Variants in OR13C8 observed in about 807,000 individuals in gnomAD.
OR13C8 encodes olfactory receptor 13C8.
For synonymous variants in OR13C8, 149 were observed against 143.6 expected (o/e 1.04, Z -0.27); for missense variants, 382 against 388.1 (o/e 0.98, Z 0.13).
chr9:104,569,602 A>G lies in OR13C8; in HGVS notation c.435A>G (p.Ala145=). Residue 145 remains alanine, a synonymous_variant, in exon 1 of 1, where the codon GCA becomes GCG. Coordinates refer to ENST00000335040, the MANE Select transcript of OR13C8 (RefSeq NM_001004483.1). ...GCAAGGGTGCCTATGTGGCCATGGC[A>G]GCTGGGTCCTGGGTCACTGGGCTTG... ...IMSKGAYVAM[A]AGSWVTGLVD... 1.2e-6 allele frequency: 2 copies of G among 1,614,128 alleles called. No homozygotes were observed. The highest frequency in any genetic ancestry group is 1.7e-6 in the Non-Finnish European group (2 of 1,180,012).
In OR13C8 at chr9:104,569,436, A is replaced by T; in HGVS notation, c.269A>T (p.Lys90Ile). ...LILASFLAVKKKVSFSGCMVQ... is the reference protein window; with the variant it reads ...LILASFLAVKIKVSFSGCMVQ... ...CTTGCCAGCTTTCTGGCAGTAAAGA[A>T]AAAGGTTTCCTTCTCTGGGTGTATG... Residue 90 changes from lysine (K) to isoleucine (I), a missense_variant, in exon 1 of 1, where the codon AAA becomes ATA. Transcript: ENST00000335040. The T allele has an allele frequency of 6.2e-7, 1 of 1,614,226 alleles. No individual in the cohort carries two copies. The highest frequency in any genetic ancestry group is 8.5e-7 in the Non-Finnish European group (1 of 1,180,050).
rs767536072 is a variant in OR13C8, at chr9:104,569,252, G to A, written c.85G>A (p.Val29Ile). ...CCCAAAGCTCCAGACAGTTTTCTTC[G>A]TTCTAATTTTGTGGATGTACCTGAT... Reference protein sequence around the residue: ...AHPKLQTVFFVLILWMYLMIL... With the variant: ...AHPKLQTVFFILILWMYLMIL... Residue 29 changes from valine (V) to isoleucine (I), a missense_variant, in exon 1 of 1, where the codon GTT (valine) becomes ATT (isoleucine). Physicochemically the swap from Val to Ile is conservative, Grantham distance 29 (BLOSUM62 3). Coordinates refer to ENST00000335040, the MANE Select transcript of OR13C8 (RefSeq NM_001004483.1). 2.5e-6 allele frequency: 4 copies of A among 1,614,076 alleles called. No individual in the cohort carries two copies. The highest frequency in any genetic ancestry group is 3.3e-5 in the Admixed American group (2 of 60,010).
At position 104,569,994 on chromosome 9, in the gene OR13C8, T is replaced by C. The variant is rs367847980; in HGVS notation, c.827T>C (p.Ile276Thr). 1.5e-5 allele frequency: 25 copies of C among 1,614,094 alleles called. No individual in the cohort carries two copies. The highest frequency in any genetic ancestry group is 2.2e-5 in the East Asian group (1 of 44,890). The change falls in exon 1 of 1, where the codon ATT becomes ACT. Residue 276 changes from isoleucine to threonine, a missense_variant. Physicochemically the swap from Ile to Thr is moderately conservative, Grantham distance 89. Transcript: ENST00000335040. The stretch of plus-strand genomic sequence containing the variant: ...GTTGATTCAGGTAATGAAGACATCA[T>C]TGAGGCCCTCATCTCCCTTTTCTAT... ...ASVDSGNEDI[I>T]EALISLFYGV...
At position 104,569,231 on chromosome 9, in the gene OR13C8, A is replaced by G. The variant is rs1410076557; in HGVS notation, c.64A>G (p.Lys22Glu). ...CCTGGTAGGGCTTTCTGCCCACCCA[A>G]AGCTCCAGACAGTTTTCTTCGTTCT... is the stretch of plus-strand genomic sequence containing the variant. Reference protein sequence around the residue: ...FFLVGLSAHPKLQTVFFVLIL... With the variant: ...FFLVGLSAHPELQTVFFVLIL... Residue 22 changes from lysine (K) to glutamate (E), a missense_variant, in exon 1 of 1, where the codon AAG becomes GAG. By Grantham distance (56) the Lys-to-Glu change is moderately conservative. Coordinates refer to ENST00000335040, the MANE Select transcript of OR13C8 (RefSeq NM_001004483.1). 1.9e-6 allele frequency: 3 copies of G among 1,614,012 alleles called. No individual in the cohort carries two copies. Among genetic ancestry groups the G allele is most frequent in the Non-Finnish European group, 2.5e-6 (3 of 1,179,994 alleles).
In OR13C8 at chr9:104,569,303, A is replaced by G. The variant is rs371137098; in HGVS notation, c.136A>G (p.Ile46Val). 6 of 1,613,968 alleles carry G rather than the reference A, an allele frequency of 3.7e-6. No individual in the cohort carries two copies. In the African/African-American group the frequency reaches 8.0e-5, roughly 22 times the overall value. ...GATCCTGCTTGGAAATGGAGTCCTT[A>G]TCTCAGTTATCATCTTTGATTCTCA... ...LMILLGNGVL[I>V]SVIIFDSHLH... is the part of the protein sequence containing the mutation. Residue 46 changes from isoleucine to valine, a missense_variant, in exon 1 of 1, where the codon ATC (isoleucine) becomes GTC (valine). Physicochemically the swap from Ile to Val is conservative, Grantham distance 29 (BLOSUM62 3). Coordinates refer to ENST00000335040, the MANE Select transcript of OR13C8 (RefSeq NM_001004483.1).
Position 104,569,526 on chromosome 9 carries a change from T to C in OR13C8, c.359T>C (p.Leu120Pro). 1.2e-6 allele frequency: 2 copies of C among 1,614,208 alleles called. No homozygotes were observed. The highest frequency in any genetic ancestry group is 1.7e-6 in the Non-Finnish European group (2 of 1,180,032). The change falls in exon 1 of 1, where the codon CTG becomes CCG. Residue 120 changes from leucine to proline, a missense_variant. Physicochemically the swap from Leu to Pro is moderately conservative, Grantham distance 98 (BLOSUM62 -3). Transcript: ENST00000335040. Reference protein sequence around the residue: ...TECMILGTMALDRYVAICYPL... With the variant: ...TECMILGTMAPDRYVAICYPL... ...TGCATGATCTTAGGCACGATGGCAC[T>C]GGACCGCTATGTGGCCATCTGCTAC...
rs761064703 is a variant in OR13C8, at chr9:104,570,035, A to G, written c.868A>G (p.Met290Val). Residue 290 changes from methionine to valine, a missense_variant, in exon 1 of 1, where the codon ATG (methionine) becomes GTG (valine). Coordinates refer to ENST00000335040, the MANE Select transcript of OR13C8 (RefSeq NM_001004483.1). ...CCTTTTCTATGGAGTGATGACTCCC[A>G]TGCTTAATCCTCTCATCTATAGTCT... ...ISLFYGVMTP[M>V]LNPLIYSLRN... 3 of 1,614,058 alleles carry G rather than the reference A, an allele frequency of 1.9e-6. No homozygotes were observed. The highest frequency in any genetic ancestry group is 4.5e-5 in the East Asian group (2 of 44,872).
chr9:104,569,324 T>G lies in OR13C8; in HGVS notation c.157T>G (p.Ser53Ala), dbSNP rs201255016. Reference protein sequence around the residue: ...GVLISVIIFDSHLHTPMYFFL... With the variant: ...GVLISVIIFDAHLHTPMYFFL... ...CCTTATCTCAGTTATCATCTTTGATTCTCACCTGCACACCCCCATGTATTT... is the reference window on the plus strand; with the variant it reads ...CCTTATCTCAGTTATCATCTTTGATGCTCACCTGCACACCCCCATGTATTT... Residue 53 changes from serine (S) to alanine (A), a missense_variant, in exon 1 of 1, where the codon TCT (serine) becomes GCT (alanine). Coordinates refer to ENST00000335040, the MANE Select transcript of OR13C8 (RefSeq NM_001004483.1). 6.2e-7 allele frequency: 1 copy of G among 1,614,180 alleles called. No homozygotes were observed. Among genetic ancestry groups the G allele is most frequent in the East Asian group, 2.2e-5 (1 of 44,872 alleles).
Position 104,569,587 on chromosome 9 carries a change from C to T in OR13C8, c.420C>T (p.Ala140=), listed in dbSNP as rs1173846628. The change falls in exon 1 of 1, where the codon GCC becomes GCT. Residue 140 remains alanine (A), a synonymous_variant. Coordinates refer to ENST00000335040, the MANE Select transcript of OR13C8 (RefSeq NM_001004483.1). ...LRYPVIMSKG[A]YVAMAAGSWV... ...ACCCTGTCATCATGAGCAAGGGTGCCTATGTGGCCATGGCAGCTGGGTCCT... is the reference window on the plus strand; with the variant it reads ...ACCCTGTCATCATGAGCAAGGGTGCTTATGTGGCCATGGCAGCTGGGTCCT... The T allele has an allele frequency of 2.5e-6, 4 of 1,614,130 alleles. No homozygotes were observed. In the South Asian group the frequency reaches 3.3e-5, roughly 13 times the overall value.
At position 104,569,813 on chromosome 9, in the gene OR13C8, A is replaced by C. The variant is rs767061590; in HGVS notation, c.646A>C (p.Ile216Leu). Residue 216 changes from isoleucine to leucine, a missense_variant, in exon 1 of 1, where the codon ATC becomes CTC. Physicochemically the swap from Ile to Leu is conservative, Grantham distance 5. Transcript: ENST00000335040. Reference sequence around the variant, plus strand: ...GGTTATTCCATTGTTAGTAATTTCCATCTCTTACATATTTATTGTTGCCAC... The same window carrying C: ...GGTTATTCCATTGTTAGTAATTTCCCTCTCTTACATATTTATTGTTGCCAC... The part of the protein sequence containing the change: ...VLVIPLLVIS[I>L]SYIFIVATIL... 2.5e-6 allele frequency: 4 copies of C among 1,614,126 alleles called. No individual in the cohort carries two copies. Among genetic ancestry groups the C allele is most frequent in the Non-Finnish European group, 3.4e-6 (4 of 1,180,008 alleles).
rs200831216 is a variant in OR13C8, at chr9:104,569,776, T to C, written c.609T>C (p.Asn203=). The C allele has an allele frequency of 8.1e-6, 13 of 1,614,194 alleles. No homozygotes were observed. In the East Asian group the frequency reaches 2.7e-4, roughly 33 times the overall value. The change falls in exon 1 of 1, where the codon AAT becomes AAC. Residue 203 remains asparagine, a synonymous_variant. Coordinates refer to ENST00000335040, the MANE Select transcript of OR13C8 (RefSeq NM_001004483.1). ...SINVISMTGS[N]LIVLVIPLLV... ...ATGTGATTAGTATGACAGGGTCGAA[T>C]CTGATTGTTCTGGTTATTCCATTGT...
chr9:104,569,727 T>G lies in OR13C8; in HGVS notation c.560T>G (p.Leu187Arg), dbSNP rs188749311. 6.2e-7 allele frequency: 1 copy of G among 1,614,214 alleles called. No homozygotes were observed. Among genetic ancestry groups the G allele is most frequent in the Non-Finnish European group, 8.5e-7 (1 of 1,180,028 alleles). The change falls in exon 1 of 1, where the codon CTG (leucine) becomes CGG (arginine). Residue 187 changes from leucine (L) to arginine (R), a missense_variant. Physicochemically the swap from Leu to Arg is moderately radical, Grantham distance 102. Coordinates refer to ENST00000335040, the MANE Select transcript of OR13C8 (RefSeq NM_001004483.1). ...FVCEILAILKLACADISINVI... is the reference protein window; with the variant it reads ...FVCEILAILKRACADISINVI... ...TGTGAAATTCTGGCTATCTTGAAAC[T>G]GGCCTGTGCTGATATTTCAATCAAT... is the stretch of plus-strand genomic sequence containing the variant.
Position 104,569,842 on chromosome 9 carries a change from T to A in OR13C8, c.675T>A (p.Ile225=), listed in dbSNP as rs763603285. The change falls in exon 1 of 1, where the codon ATT becomes ATA. Residue 225 remains isoleucine, a synonymous_variant. Coordinates refer to ENST00000335040, the MANE Select transcript of OR13C8 (RefSeq NM_001004483.1). ...SISYIFIVAT[I]LRIPSTEGKH... is the part of the protein sequence containing the mutation. ...CTTACATATTTATTGTTGCCACTATTCTGAGGATTCCTTCCACTGAAGGAA... is the reference window on the plus strand; with the variant it reads ...CTTACATATTTATTGTTGCCACTATACTGAGGATTCCTTCCACTGAAGGAA... 6 of 1,614,180 alleles carry A rather than the reference T, an allele frequency of 3.7e-6. No homozygotes were observed. Among genetic ancestry groups the A allele is most frequent in the Non-Finnish European group, 5.1e-6 (6 of 1,180,024 alleles).
rs774946599 is a variant in OR13C8, at chr9:104,569,912, A to G, written c.745A>G (p.Ile249Val). 8.1e-6 allele frequency: 13 copies of G among 1,614,186 alleles called. No individual in the cohort carries two copies. The highest frequency in any genetic ancestry group is 1.0e-5 in the Non-Finnish European group (12 of 1,180,032). ...CTGCTCAGCCCACCTGACAGTGGTG[A>G]TTATATTCTATGGAACCATCTTCTT... ...STCSAHLTVVIIFYGTIFFMY... is the reference protein window; with the variant it reads ...STCSAHLTVVVIFYGTIFFMY... Residue 249 changes from isoleucine (I) to valine (V), a missense_variant, in exon 1 of 1, where the codon ATT (isoleucine) becomes GTT (valine). By Grantham distance (29) the Ile-to-Val change is conservative. Coordinates refer to ENST00000335040, the MANE Select transcript of OR13C8 (RefSeq NM_001004483.1).
At position 104,569,561 on chromosome 9, in the gene OR13C8, T is replaced by C; in HGVS notation, c.394T>C (p.Tyr132His). ...TGTGGCCATCTGCTACCCACTGAGA[T>C]ACCCTGTCATCATGAGCAAGGGTGC... ...RYVAICYPLR[Y>H]PVIMSKGAYV... Residue 132 changes from tyrosine (Y) to histidine (H), a missense_variant, in exon 1 of 1, where the codon TAC (tyrosine) becomes CAC (histidine). Transcript: ENST00000335040. 6.2e-7 allele frequency: 1 copy of C among 1,614,208 alleles called. No individual in the cohort carries two copies. The highest frequency in any genetic ancestry group is 8.5e-7 in the Non-Finnish European group (1 of 1,180,030).
In OR13C8 at chr9:104,569,955, A is replaced by G. The variant is rs150236307; in HGVS notation, c.788A>G (p.Glu263Gly). 1.4e-5 allele frequency: 23 copies of G among 1,614,080 alleles called. No homozygotes were observed. The highest frequency in any genetic ancestry group is 3.3e-5 in the Admixed American group (2 of 60,006). Residue 263 changes from glutamate to glycine, a missense_variant, in exon 1 of 1, where the codon GAG (glutamate) becomes GGG (glycine). Physicochemically the swap from Glu to Gly is moderately conservative, Grantham distance 98 (BLOSUM62 -2). Transcript: ENST00000335040. Reference protein sequence around the residue: ...GTIFFMYAKPESKASVDSGNE... With the variant: ...GTIFFMYAKPGSKASVDSGNE... ...ATCTTCTTCATGTACGCAAAGCCTGAGTCTAAAGCCTCTGTTGATTCAGGT... is the reference window on the plus strand; with the variant it reads ...ATCTTCTTCATGTACGCAAAGCCTGGGTCTAAAGCCTCTGTTGATTCAGGT...
chr9:104,569,271 A>G lies in OR13C8; in HGVS notation c.104A>G (p.Tyr35Cys). The G allele has an allele frequency of 6.2e-7, 1 of 1,614,116 alleles. No individual in the cohort carries two copies. The highest frequency in any genetic ancestry group is 8.5e-7 in the Non-Finnish European group (1 of 1,180,016). The change falls in exon 1 of 1, where the codon TAC (tyrosine) becomes TGC (cysteine). Residue 35 changes from tyrosine to cysteine, a missense_variant. By Grantham distance (194) the Tyr-to-Cys change is radical (BLOSUM62 -2). Transcript: ENST00000335040. ...TTCTTCGTTCTAATTTTGTGGATGTACCTGATGATCCTGCTTGGAAATGGA... is the reference window on the plus strand; with the variant it reads ...TTCTTCGTTCTAATTTTGTGGATGTGCCTGATGATCCTGCTTGGAAATGGA... ...TVFFVLILWM[Y>C]LMILLGNGVL...
Position 104,569,289 on chromosome 9 carries a change from G to A in OR13C8, c.122G>A (p.Gly41Glu). ...TGGATGTACCTGATGATCCTGCTTG[G>A]AAATGGAGTCCTTATCTCAGTTATC... is the stretch of plus-strand genomic sequence containing the variant. ...ILWMYLMILL[G>E]NGVLISVIIF... Residue 41 changes from glycine to glutamate, a missense_variant, in exon 1 of 1, where the codon GGA (glycine) becomes GAA (glutamate). By Grantham distance (98) the Gly-to-Glu change is moderately conservative. Transcript: ENST00000335040. The A allele has an allele frequency of 1.2e-6, 2 of 1,614,142 alleles. No homozygotes were observed. Among genetic ancestry groups the A allele is most frequent in the South Asian group, 2.2e-5 (2 of 91,082 alleles).
In OR13C8 at chr9:104,569,358, G is replaced by A. The variant is rs749684568; in HGVS notation, c.191G>A (p.Cys64Tyr). 1.2e-6 allele frequency: 2 copies of A among 1,614,150 alleles called. No homozygotes were observed. The highest frequency in any genetic ancestry group is 1.3e-5 in the African/African-American group (1 of 75,034). Residue 64 changes from cysteine to tyrosine, a missense_variant, in exon 1 of 1, where the codon TGT becomes TAT. Coordinates refer to ENST00000335040, the MANE Select transcript of OR13C8 (RefSeq NM_001004483.1). The stretch of plus-strand genomic sequence containing the variant: ...CACACCCCCATGTATTTCTTCCTCT[G>A]TAATCTTTCCTTCCTCGACGTTTGC... The part of the protein sequence containing the change: ...HLHTPMYFFL[C>Y]NLSFLDVCYT...
Sources: allele counts gnomAD v4.1 joint callset, GRCh38; gene constraint gnomAD v4.1.1; transcripts MANE v1.5; gene names NCBI Gene and HGNC (gene_info 2026-07-23, HGNC 2026-07-21).